ABCC9: variants seen among roughly 807,000 people sequenced by gnomAD.
The protein encoded by ABCC9 is ATP-binding cassette sub-family C member 9.
A neutral mutation model predicts 188.3 loss-of-function variants in ABCC9; 95 were observed. That is an observed-to-expected ratio of 0.50 (90% CI 0.43 to 0.60). The LOEUF is 0.60. Ranked by LOEUF, ABCC9 falls within the 20% of genes least tolerant of loss-of-function variation. ABCC9 has a pLI of 0.00. For missense variants in ABCC9, 1,102 were observed against 1,876.3 expected, an observed-to-expected ratio of 0.59 and a Z score of 7.62; for synonymous variants, 659 against 652.7, an observed-to-expected ratio of 1.01 and a Z score of -0.15.
chr12:21,806,529 T>C (rs1436554184), intron 38 of ABCC9, among the ~76,000 whole-genome samples: 4 of 152,200 alleles, frequency 2.6e-5, no homozygotes, highest in Non-Finnish European at 4.4e-5. Flanking sequence ...GTTATAATTA[T>C]ATTTTAAAGG....
intron 24 of ABCC9, among the ~76,000 whole-genome samples, chr12:21,851,253 C>T (rs1944950528): frequency 1.3e-5 from 2 of 152,246 alleles, no homozygotes; most frequent in Admixed American, 1.3e-4. Context: ...TACAATTTCA[C>T]TTGTCTATCA....
chr12:21,926,261 G>T (rs192016303), intron 4 of ABCC9, among the ~76,000 whole-genome samples, 198 bp from the exon 5 acceptor site: 3 of 152,238 alleles, frequency 2.0e-5, no homozygotes, highest in Non-Finnish European at 4.4e-5. Flanking sequence ...ATCTTAACAT[G>T]AATGGCCAAG....
intron 39 of ABCC9, among the ~76,000 whole-genome samples, chr12:21,802,688 C>G (rs943285737): frequency 3.9e-5 from 6 of 152,078 alleles, no homozygotes; most frequent in Admixed American, 6.5e-5. Flanking sequence ...CTATGCAGGT[C>G]AAAATATTAG....
At chr12:21,883,511 T>A (rs1199622284) in intron 15 of ABCC9, among the ~76,000 whole-genome samples, 1 of 152,222 alleles carries the variant, frequency 6.6e-6, no homozygotes, top group African/African-American at 2.4e-5. Context: ...CCATTAAACC[T>A]CTTTCCTTTA....
intron 30 of ABCC9, among the ~76,000 whole-genome samples, chr12:21,833,658 A>T (rs1418198149): frequency 1.3e-5 from 2 of 152,084 alleles, no homozygotes; most frequent in African/African-American, 2.4e-5. Flanking sequence ...AGAGGCTGTT[A>T]TATGTTGAAC....
chr12:21,911,189 G>C (rs1171986335), intron 8 of ABCC9, among the ~76,000 whole-genome samples: 1 of 151,684 alleles, frequency 6.6e-6, no homozygotes, highest in Non-Finnish European at 1.5e-5. Context: ...AGAAAAAAAA[G>C]GTAGAATTTA....
At chr12:21,904,201 G>C (rs896121809) in intron 12 of ABCC9, among the ~76,000 whole-genome samples, 3 of 152,302 alleles carry the variant, frequency 2.0e-5, no homozygotes, top group African/African-American at 7.2e-5. Context: ...TTAATAAATG[G>C]TGCTGGGAAA....
Position 21,844,518 on chromosome 12 carries a change from T to A in ABCC9, c.3280A>T (p.Asn1094Tyr). 6.2e-7 allele frequency: 1 copy of A among 1,613,322 alleles called. No individual in the cohort carries two copies. The highest frequency in any genetic ancestry group is 8.5e-7 in the Non-Finnish European group (1 of 1,179,292). The change falls in exon 28 of 40, where the codon AAT (asparagine) becomes TAT (tyrosine). Residue 1094 changes from asparagine (N) to tyrosine (Y), a missense_variant. Asn to Tyr is a moderately radical substitution (Grantham distance 143). Coordinates refer to ENST00000261200, the MANE Select transcript of ABCC9 (RefSeq NM_020297.4). Reference protein sequence around the residue: ...FDTTPLGLILNRFSADTNIID... With the variant: ...FDTTPLGLILYRFSADTNIID... ...ATATTAGTATCAGCTGAAAAGCGAT[T>A]GAGAATCAGTCCCAGGGGTGTGGTA...
chr12:21,843,859 C>T (rs1944505764), intron 28 of ABCC9, among the ~76,000 whole-genome samples: 2 of 152,122 alleles, frequency 1.3e-5, no homozygotes, highest in Non-Finnish European at 2.9e-5. Flanking sequence ...TTCGGTATTC[C>T]GAATGCTACT....
At chr12:21,889,268 C>A (rs1159300246) in intron 14 of ABCC9, among the ~76,000 whole-genome samples, 4 of 152,144 alleles carry the variant, frequency 2.6e-5, no homozygotes, top group Non-Finnish European at 5.9e-5. Context: ...AGTTCATACA[C>A]TTTCTTTGAG....
intron 4 of ABCC9, among the ~76,000 whole-genome samples, chr12:21,930,008 A>G (rs1592261506): frequency 3.8e-5 from 4 of 106,658 alleles, no homozygotes; most frequent in African/African-American, 7.4e-5. Flanking sequence ...GACAGGCCCC[A>G]GTGTGTGATA....
chr12:21,906,651 A>G (rs891379697), intron 11 of ABCC9, among the ~76,000 whole-genome samples: 1 of 152,078 alleles, frequency 6.6e-6, no homozygotes, highest in Non-Finnish European at 1.5e-5. Context: ...CTAACATCTA[A>G]CTTAATTTCT....
At chr12:21,847,839 T>C (rs997869774) in intron 25 of ABCC9, among the ~76,000 whole-genome samples, 6 of 152,204 alleles carry the variant, frequency 3.9e-5, no homozygotes, top group African/African-American at 1.4e-4. Flanking sequence ...ATTTGGTCAT[T>C]ATACTAGACA....
intron 31 of ABCC9, among the ~76,000 whole-genome samples, chr12:21,826,051 A>C (rs553781965): frequency 6.6e-6 from 1 of 152,178 alleles, no homozygotes; most frequent in Non-Finnish European, 1.5e-5. Flanking sequence ...ATCTGTGTGA[A>C]GAAATCCTGC....
chr12:21,806,968 T>C lies in ABCC9; in HGVS notation c.4449+378A>G, dbSNP rs183944761. Among the ~76,000 whole-genome samples the C allele has an allele frequency of 4.7e-3, 721 of 152,192 alleles. 4 individuals carry two copies. Among genetic ancestry groups the C allele is most frequent in the African/African-American group, 0.017 (699 of 41,530 alleles). On this transcript the variant is annotated intron_variant, in intron 38 of 39. Coordinates refer to ENST00000261200, the MANE Select transcript of ABCC9 (RefSeq NM_020297.4). ...TCAAATTGCTTTGGGAAATAATGAG[T>C]GGTGTTGGTTAGTAATAGATTCTAT... is the stretch of plus-strand genomic sequence containing the variant.
chr12:21,854,429 T>C (rs528098099), intron 22 of ABCC9, among the ~76,000 whole-genome samples: 1 of 152,350 alleles, frequency 6.6e-6, no homozygotes, highest in South Asian at 2.1e-4. Flanking sequence ...AAAATCAGTC[T>C]GCTGGATATT....
At chr12:21,851,713 T>A (rs1011097904) in intron 24 of ABCC9, among the ~76,000 whole-genome samples, 1 of 152,136 alleles carries the variant, frequency 6.6e-6, no homozygotes, top group Non-Finnish European at 1.5e-5. Context: ...GACCCTCTAT[T>A]TGTAGGTGGT....
rs1941374293 is a variant in ABCC9, at chr12:21,800,420, A to G, written c.*624T>C. The G allele has an allele frequency of 6.6e-6, 1 of 152,354 alleles. No individual in the cohort carries two copies. The highest frequency in any genetic ancestry group is 6.5e-5 in the Admixed American group (1 of 15,290). 9.4% of individuals were successfully genotyped at this position (152,354 alleles called of 1,614,324 possible). The stretch of plus-strand genomic sequence containing the variant: ...AAAATTCGAGTATAGTTTTAAAAAT[A>G]TCCAAACTCTTCATGATCTTTCTAG... On this transcript the variant is annotated 3_prime_UTR_variant, in exon 40 of 40. Transcript: ENST00000261200.
rs562646199 is a variant in ABCC9 at position 21,904,561 on chromosome 12, A to T, written c.1618+1565T>A. On this transcript the variant is annotated intron_variant, in intron 12 of 39. Coordinates refer to ENST00000261200, the MANE Select transcript of ABCC9 (RefSeq NM_020297.4). ...AAGGGCTAATATCCAGAATCTACAAAGAACTCAAACAAATTTACAAGAAAA... is the reference window on the plus strand; with the variant it reads ...AAGGGCTAATATCCAGAATCTACAATGAACTCAAACAAATTTACAAGAAAA... 2.5e-3 allele frequency among the ~76,000 whole-genome samples: 378 copies of T among 152,194 alleles called. 1 individual carries two copies. Among genetic ancestry groups the T allele is most frequent in the African/African-American group, 8.6e-3 (359 of 41,548 alleles).
Sources: allele counts gnomAD v4.1 joint callset (sites outside exome capture counted in the v4.1 genomes callset), GRCh38; gene constraint gnomAD v4.1.1; transcripts MANE v1.5; gene names NCBI Gene and HGNC (gene_info 2026-07-23, HGNC 2026-07-21).